The following PRRG1 variants were observed in gnomAD, a reference collection of about 807,000 sequenced individuals.
The protein encoded by PRRG1 is proline rich and Gla domain 1.
Under a neutral mutation model 11.8 loss-of-function variants are expected in PRRG1, and 5 were observed. The ratio of observed to expected loss-of-function variants is 0.42; its 90% CI spans 0.22 to 0.89. The LOEUF (loss-of-function observed/expected upper bound fraction) is 0.89, where lower values mean the gene tolerates loss of function less well. Ranked by LOEUF, PRRG1 falls within the 40% of genes least tolerant of loss-of-function variation. PRRG1 has a pLI of 0.28. For synonymous variants in PRRG1, 66 were observed against 60.4 expected (o/e 1.09, Z -0.43); for missense variants, 155 against 166.1 (o/e 0.93, Z 0.37).
intron 3 of PRRG1, among the ~76,000 whole-genome samples, chrX:37,437,305 C>CG (rs781981531): frequency 1.1e-3 from 120 of 108,158 alleles, no homozygotes; most frequent in East Asian, 9.9e-3. Context: ...TCAGTCAGGG[C>CG]GGGGGGGGAG....
rs1483281877 is a variant in PRRG1 at position 37,456,246 on chromosome X, T to C, written c.*2625T>C. The C allele has an allele frequency of 8.9e-6, 1 of 111,983 alleles. No homozygotes were observed. Among genetic ancestry groups the C allele is most frequent in the African/African-American group, 3.2e-5 (1 of 30,821 alleles). 9.2% of individuals were successfully genotyped at this position (111,983 alleles called of 1,213,427 possible). On this transcript the variant is annotated 3_prime_UTR_variant, in exon 4 of 4. Transcript: ENST00000378628. ...TCTCAATAAATGTTAAGAGCGTAAG[T>C]GTAAGGGGGTCCAGAGACCAAAAGT...
intron 3 of PRRG1, among the ~76,000 whole-genome samples, chrX:37,449,467 GA>G (rs1556396015): frequency 1.8e-5 from 2 of 112,137 alleles, no homozygotes; most frequent in African/African-American, 6.5e-5. Flanking sequence ...ATTCAAAACA[GA>G]AAAAGCACAC....
chrX:37,438,747 T>C (rs1006643570), intron 3 of PRRG1, among the ~76,000 whole-genome samples: 13 of 111,784 alleles, frequency 1.2e-4, no homozygotes, highest in Non-Finnish European at 2.3e-4. Context: ...CTTTTCTCTT[T>C]TTTAATACAT....
chrX:37,396,935 A>G (rs1347137808), intron 1 of PRRG1, among the ~76,000 whole-genome samples: 1 of 112,100 alleles, frequency 8.9e-6, no homozygotes, highest in Non-Finnish European at 1.9e-5. Flanking sequence ...AGTTGTGACA[A>G]ACAAAAATAT....
intron 1 of PRRG1, among the ~76,000 whole-genome samples, chrX:37,381,230 A>G (rs1931142001): frequency 9.0e-6 from 1 of 111,687 alleles, no homozygotes. Flanking sequence ...GATTGTGTCT[A>G]AGTTGTTTTA....
At chrX:37,449,835 G>A (rs1921053094) in intron 3 of PRRG1, among the ~76,000 whole-genome samples, 1 of 112,330 alleles carries the variant, frequency 8.9e-6, no homozygotes, top group African/African-American at 3.2e-5. Context: ...GCTCTACCAA[G>A]TTTTGAAATC....
At chrX:37,364,337 A>T (rs923805940) in intron 1 of PRRG1, among the ~76,000 whole-genome samples, 1 of 111,910 alleles carries the variant, frequency 8.9e-6, no homozygotes, top group Non-Finnish European at 1.9e-5. Context: ...ATGCAATCTG[A>T]TTATCATTTA....
intron 1 of PRRG1, among the ~76,000 whole-genome samples, chrX:37,372,332 CTTGTT>C (rs1274459749): frequency 8.9e-6 from 1 of 111,893 alleles, no homozygotes; most frequent in African/African-American, 3.3e-5. Context: ...GAGATGGAGT[CTTGTT>C]CTGTTGCCCA....
chrX:37,383,847 C>T (rs782235002), intron 1 of PRRG1, among the ~76,000 whole-genome samples: 6 of 111,062 alleles, frequency 5.4e-5, no homozygotes, highest in Non-Finnish European at 7.6e-5. Context: ...ACCAAAGCCA[C>T]ATTGTTTATT....
chrX:37,441,098 C>T (rs189229240), intron 3 of PRRG1: 1 of 930,444 alleles, frequency 1.1e-6, no homozygotes, highest in African/African-American at 2.1e-5. Flanking sequence ...AAACTCAAGG[C>T]AAACTCTAGA....
chrX:37,350,291 G>T (rs1310853454), intron 1 of PRRG1, among the ~76,000 whole-genome samples: 1 of 111,908 alleles, frequency 8.9e-6, no homozygotes, highest in African/African-American at 3.3e-5. Context: ...AAACTAATGG[G>T]ATTTGAGAGG....
At chrX:37,385,305 G>A (rs782524044) in intron 1 of PRRG1, among the ~76,000 whole-genome samples, 10 of 110,663 alleles carry the variant, frequency 9.0e-5, no homozygotes, top group South Asian at 7.8e-4. Context: ...CAGGGTAGTC[G>A]TTACCCTTAT....
intron 1 of PRRG1, among the ~76,000 whole-genome samples, chrX:37,381,708 A>G (rs1380954902): frequency 1.8e-5 from 2 of 111,098 alleles, no homozygotes; most frequent in Non-Finnish European, 3.8e-5. Context: ...TTTTGTGTAA[A>G]TCATGTTTAA....
chrX:37,440,875 C>T (rs1556393429), intron 3 of PRRG1: 1 of 506,786 alleles, frequency 2.0e-6, no homozygotes, highest in African/African-American at 2.3e-5. Context: ...GTGATCCTCC[C>T]ATCTCAGCCT....
intron 2 of PRRG1, among the ~76,000 whole-genome samples, chrX:37,412,257 T>C (rs1932369747): frequency 9.0e-6 from 1 of 111,689 alleles, no homozygotes; most frequent in African/African-American, 3.3e-5. Context: ...ATCCCCCTAG[T>C]TGTCAAGACT....
At chrX:37,428,340 T>G (rs1176522431) in intron 3 of PRRG1, among the ~76,000 whole-genome samples, 2 of 111,666 alleles carry the variant, frequency 1.8e-5, no homozygotes, top group East Asian at 5.6e-4. Context: ...TATGAGTGTA[T>G]AAAATCAAAA....
chrX:37,393,026 A>T, intron 1 of PRRG1, among the ~76,000 whole-genome samples: 1 of 111,350 alleles, frequency 9.0e-6, no homozygotes, highest in Non-Finnish European at 1.9e-5. Flanking sequence ...CCAACCACTG[A>T]ATTTGCTACA....
intron 3 of PRRG1, among the ~76,000 whole-genome samples, chrX:37,451,237 C>T (rs1556396505): frequency 8.9e-6 from 1 of 111,971 alleles, no homozygotes; most frequent in Non-Finnish European, 1.9e-5. Context: ...AGGCCGGTCT[C>T]GAACTCTCCA....
At chrX:37,368,693 T>C (rs1338341424) in intron 1 of PRRG1, among the ~76,000 whole-genome samples, 1 of 108,837 alleles carries the variant, frequency 9.2e-6, no homozygotes, top group Non-Finnish European at 1.9e-5. Flanking sequence ...GGTTTAGACC[T>C]AAGATCTGTT....
Sources: gnomAD v4.1 joint callset for allele counts (sites outside exome capture counted in the v4.1 genomes callset) on GRCh38, gnomAD v4.1.1 for gene constraint, MANE v1.5 for transcripts, NCBI Gene and HGNC (gene_info 2026-07-23, HGNC 2026-07-21) for gene names.